Variants in DPPA2 observed in about 807,000 individuals in gnomAD.
DPPA2 encodes the protein developmental pluripotency-associated protein 2.
DPPA2 carries 26 observed loss-of-function variants against 36.2 expected under a neutral mutation model. The observed-to-expected ratio is 0.72, with a 90% confidence interval of 0.53 to 1.00. The LOEUF (loss-of-function observed/expected upper bound fraction) is 1.00. Ranked by LOEUF, DPPA2 falls within the 50% of genes least tolerant of loss-of-function variation. DPPA2 has a pLI of 0.00. For synonymous variants in DPPA2, 113 were observed against 123.2 expected, an observed-to-expected ratio of 0.92 and a Z score of 0.55; for missense variants, 361 against 365.1, an observed-to-expected ratio of 0.99 and a Z score of 0.09.
chr3:109,304,910 G>GCA (rs1707527119), intron 6 of DPPA2, among the ~76,000 whole-genome samples: 1 of 152,194 alleles, frequency 6.6e-6, no homozygotes, highest in African/African-American at 2.4e-5. Context: ...ACTTTGGGAG[G>GCA]TTGAGGCGGG....
intron 8 of DPPA2, among the ~76,000 whole-genome samples, chr3:109,299,449 G>A (rs1178318325): frequency 4.0e-5 from 6 of 150,902 alleles, no homozygotes; most frequent in Admixed American, 6.6e-5. Context: ...GGTGGGAGGC[G>A]GAGGTTGCAG....
Position 109,309,671 on chromosome 3 carries a change from C to T in DPPA2, c.182-341G>A, listed in dbSNP as rs530760757. Among the ~76,000 whole-genome samples, 15 of 151,806 alleles carry T rather than the reference C, an allele frequency of 9.9e-5. No individual in the cohort carries two copies. The East Asian group carries it at 2.7e-3, about 28-fold the overall frequency. ...TGCCACTGCACTCCAGCCTGGGCGA[C>T]AGAACAAGACTCCGTCTCGTCTCAA... On this transcript the variant is annotated intron_variant, in intron 3 of 8. Transcript: ENST00000478945.
chr3:109,297,609 AGATAT>A (rs1707377848), intron 8 of DPPA2, among the ~76,000 whole-genome samples: 1 of 152,156 alleles, frequency 6.6e-6, no homozygotes, highest in Non-Finnish European at 1.5e-5. Flanking sequence ...ATACTAAGAA[AGATAT>A]GGTGCAACAA....
At chr3:109,308,863 G>A (rs1707633597) in intron 5 of DPPA2, among the ~76,000 whole-genome samples, 163 bp downstream of exon 5, 1 of 152,120 alleles carries the variant, frequency 6.6e-6, no homozygotes, top group Non-Finnish European at 1.5e-5. Flanking sequence ...GTACAGGGCA[G>A]CCCCCAAAAC....
intron 2 of DPPA2, among the ~76,000 whole-genome samples, chr3:109,313,484 GA>G (rs1707743268): frequency 6.6e-6 from 1 of 152,212 alleles, no homozygotes; most frequent in Admixed American, 6.5e-5. Flanking sequence ...TAGATAGAAA[GA>G]AACTAACATT....
intron 7 of DPPA2, among the ~76,000 whole-genome samples, chr3:109,300,729 G>A (rs971383663): frequency 7.5e-5 from 10 of 133,244 alleles, no homozygotes; most frequent in African/African-American, 1.5e-4. Flanking sequence ...GGCTGAGACC[G>A]GATAATTGTT....
At chr3:109,314,378 G>T in intron 2 of DPPA2, 132 bp downstream of exon 2, 1 of 882,880 alleles carries the variant, frequency 1.1e-6, no homozygotes, top group Non-Finnish European at 1.7e-6. Flanking sequence ...TTGCAAAGAA[G>T]AGGAGGTTTC....
At chr3:109,314,838 C>A (rs1707763282) in intron 1 of DPPA2, among the ~76,000 whole-genome samples, 1 of 151,992 alleles carries the variant, frequency 6.6e-6, no homozygotes, top group Non-Finnish European at 1.5e-5. Flanking sequence ...CCAGGGGGGG[C>A]GGATCGATTG....
chr3:109,310,740 G>A (rs1707693606), intron 3 of DPPA2, among the ~76,000 whole-genome samples: 1 of 151,846 alleles, frequency 6.6e-6, no homozygotes, highest in Non-Finnish European at 1.5e-5. Context: ...GCCTGACCTT[G>A]TGATCTGCCC....
chr3:109,300,281 G>T, intron 8 of DPPA2, 90 bp downstream of exon 8: 1 of 1,031,562 alleles, frequency 9.7e-7, no homozygotes, highest in South Asian at 1.4e-5. Context: ...ATAGGGGGAA[G>T]GCAGAGAGTT....
chr3:109,312,743 C>T, intron 2 of DPPA2, 51 bp from the exon 3 acceptor site: 7 of 1,591,220 alleles, frequency 4.4e-6, no homozygotes, highest in Non-Finnish European at 5.2e-6. Flanking sequence ...TACAACTAAA[C>T]TGCTTGCTTT....
intron 8 of DPPA2, among the ~76,000 whole-genome samples, chr3:109,296,688 T>TA (rs35910479): frequency 0.85 from 125,047 of 147,212 alleles, 52,948 homozygotes; most frequent in East Asian, 0.95. Context: ...AAAAAAATAA[T>TA]AAAAAAAAAA....
chr3:109,306,757 G>A (rs995426537), intron 6 of DPPA2, among the ~76,000 whole-genome samples: 8 of 151,464 alleles, frequency 5.3e-5, no homozygotes, highest in African/African-American at 1.7e-4. Context: ...CCTGAGGTTG[G>A]GAGTTCGAGA....
intron 8 of DPPA2, among the ~76,000 whole-genome samples, chr3:109,298,561 A>G (rs1287651531): frequency 2.6e-5 from 4 of 151,884 alleles, no homozygotes; most frequent in Admixed American, 2.6e-4. Flanking sequence ...AAAAAAATAC[A>G]AAAAATTAGC....
intron 6 of DPPA2, among the ~76,000 whole-genome samples, chr3:109,306,469 G>A (rs1707567805): frequency 6.6e-6 from 1 of 152,092 alleles, no homozygotes; most frequent in East Asian, 1.9e-4. Flanking sequence ...TTCCTTGTAT[G>A]ATGAATAATG....
intron 8 of DPPA2, 52 bp downstream of exon 8, chr3:109,300,319 C>T (rs1707435981): frequency 6.9e-7 from 1 of 1,450,576 alleles, no homozygotes; most frequent in South Asian, 1.2e-5. Context: ...TTTTCAATTG[C>T]CTTCAAATCA....
intron 7 of DPPA2, among the ~76,000 whole-genome samples, chr3:109,302,556 C>G (rs1470170940): frequency 6.6e-6 from 1 of 152,072 alleles, no homozygotes; most frequent in Non-Finnish European, 1.5e-5. Flanking sequence ...CGTATTCAAA[C>G]GATTCTCCTG....
chr3:109,306,279 T>A (rs186588554), intron 6 of DPPA2, among the ~76,000 whole-genome samples: 99 of 152,294 alleles, frequency 6.5e-4, no homozygotes, highest in African/African-American at 2.3e-3. Flanking sequence ...CAGCATATTA[T>A]TAAAAATTAG....
At chr3:109,305,929 C>G (rs1036832977) in intron 6 of DPPA2, among the ~76,000 whole-genome samples, 3 of 152,068 alleles carry the variant, frequency 2.0e-5, no homozygotes, top group Admixed American at 6.6e-5. Flanking sequence ...CTACATTGTA[C>G]TGCCTCAGCT....
Sources: allele counts gnomAD v4.1 joint callset (sites outside exome capture counted in the v4.1 genomes callset), GRCh38; gene constraint gnomAD v4.1.1; transcripts MANE v1.5; gene names NCBI Gene and HGNC (gene_info 2026-07-23, HGNC 2026-07-21).